Variants in SYTL3 observed in about 807,000 individuals in gnomAD.
SYTL3 encodes the protein synaptotagmin-like protein 3.
A neutral mutation model predicts 82.1 loss-of-function variants in SYTL3; 88 were observed. The observed-to-expected ratio is 1.07, with a 90% CI of 0.90 to 1.28. The LOEUF (loss-of-function observed/expected upper bound fraction) is 1.28, where lower values mean the gene tolerates loss of function less well. Ranked by LOEUF, SYTL3 falls within the 50% of genes most tolerant of loss-of-function variation. The pLI is 0.00. For synonymous variants in SYTL3, 311 were observed against 289.4 expected (o/e 1.07, Z -0.76); for missense variants, 831 against 757.6 (o/e 1.10, Z -1.14).
At chr6:158,731,695 G>T (rs140806666) in intron 11 of SYTL3, among the ~76,000 whole-genome samples, 1 of 152,158 alleles carries the variant, frequency 6.6e-6, no homozygotes, top group Non-Finnish European at 1.5e-5. Context: ...CCGGGTTCAC[G>T]CCATTCTCCT....
intron 6 of SYTL3, among the ~76,000 whole-genome samples, chr6:158,688,756 G>C (rs1007335481): frequency 9.2e-5 from 14 of 152,078 alleles, no homozygotes; most frequent in African/African-American, 3.1e-4. Flanking sequence ...TATGCTTGTG[G>C]GTGCATATCT....
chr6:158,665,730 C>G, intron 5 of SYTL3, 117 bp downstream of exon 5: 1 of 708,136 alleles, frequency 1.4e-6, no homozygotes, highest in Non-Finnish European at 2.3e-6. Context: ...AAATGTGTAC[C>G]GAGTGCCTGA....
chr6:158,719,546 C>T (rs956950308), intron 10 of SYTL3, among the ~76,000 whole-genome samples: 63 of 152,192 alleles, frequency 4.1e-4, no homozygotes, highest in African/African-American at 1.5e-3. Flanking sequence ...GGTGTCTAGA[C>T]AGTTTGAAAT....
intron 11 of SYTL3, among the ~76,000 whole-genome samples, chr6:158,743,343 A>G (rs1043662093): frequency 6.6e-6 from 1 of 152,190 alleles, no homozygotes; most frequent in Non-Finnish European, 1.5e-5. Flanking sequence ...GCAGCTCTAC[A>G]ATCTCTTGAA....
chr6:158,670,557 G>A (rs1418781685), intron 5 of SYTL3, among the ~76,000 whole-genome samples: 2 of 151,992 alleles, frequency 1.3e-5, no homozygotes, highest in East Asian at 1.9e-4. Context: ...TGAGGCGGGT[G>A]GATCACTTGA....
intron 12 of SYTL3, among the ~76,000 whole-genome samples, chr6:158,746,546 A>G (rs1787694047): frequency 6.7e-6 from 1 of 150,308 alleles, no homozygotes; most frequent in Non-Finnish European, 1.5e-5. Flanking sequence ...GCTCACTGCA[A>G]CCTCCGCCTC....
chr6:158,656,237 C>T (rs946765612), intron 2 of SYTL3, among the ~76,000 whole-genome samples: 4 of 152,132 alleles, frequency 2.6e-5, no homozygotes, highest in East Asian at 1.9e-4. Context: ...CCAGGCCTGG[C>T]GGTGGCGTCT....
In SYTL3 at chr6:158,763,386, T is replaced by C. The variant is rs2128556238; in HGVS notation, c.1600T>C (p.Ser534Pro). ...GCAGGCTTGCCCCCAGTGGAAACAC[T>C]CATTTGTCTTCAGTGGCGTAACCCC... Reference protein sequence around the residue: ...RKQACPQWKHSFVFSGVTPAQ... With the variant: ...RKQACPQWKHPFVFSGVTPAQ... Residue 534 changes from serine (S) to proline (P), a missense_variant, in exon 17 of 18, where the codon TCA becomes CCA. By Grantham distance (74) the Ser-to-Pro change is moderately conservative. Coordinates refer to ENST00000611299, the MANE Select transcript of SYTL3 (RefSeq NM_001242394.2). The C allele has an allele frequency of 6.2e-7, 1 of 1,614,188 alleles. No homozygotes were observed. The highest frequency in any genetic ancestry group is 1.6e-4 in the Middle Eastern group (1 of 6,062).
At chr6:158,744,298 T>C (rs995305656) in intron 11 of SYTL3, among the ~76,000 whole-genome samples, 4 of 106,980 alleles carry the variant, frequency 3.7e-5, no homozygotes, top group Non-Finnish European at 7.4e-5. Flanking sequence ...TTTTTTCTTT[T>C]TCTTTCTTTT....
In SYTL3 at chr6:158,747,039, T is replaced by A. The variant is rs534134030; in HGVS notation, c.1034+1381T>A. On this transcript the variant is annotated intron_variant, in intron 12 of 17. Transcript: ENST00000611299. ...TCTTGCTCTGTTGCCCAGGCTGGAG[T>A]GTATTGGCACGATGTCAGCTCACTG... Among the ~76,000 whole-genome samples, 149 of 152,206 alleles carry A rather than the reference T, an allele frequency of 9.8e-4. 1 individual carries two copies. The highest frequency in any genetic ancestry group is 3.3e-3 in the African/African-American group (139 of 41,526).
chr6:158,704,804 C>T (rs1228594169), intron 6 of SYTL3, among the ~76,000 whole-genome samples: 1 of 152,228 alleles, frequency 6.6e-6, no homozygotes, highest in Non-Finnish European at 1.5e-5. Context: ...GTTGCCACAA[C>T]CAGGGACAGA....
chr6:158,689,516 AAAG>A (rs1191169981), intron 6 of SYTL3, among the ~76,000 whole-genome samples: 1 of 152,212 alleles, frequency 6.6e-6, no homozygotes, highest in Non-Finnish European at 1.5e-5. Context: ...TTTTTAACAC[AAAG>A]AAGTTTTTTG....
upstream of SYTL3, among the ~76,000 whole-genome samples, chr6:158,647,759 A>G (rs1787572349): frequency 6.6e-6 from 1 of 152,256 alleles, no homozygotes; most frequent in South Asian, 2.1e-4. Context: ...GCATTCTGCC[A>G]TATTTTAGAA....
intron 5 of SYTL3, 41 bp from the exon 6 acceptor site, chr6:158,682,884 A>T: frequency 6.6e-7 from 1 of 1,516,124 alleles, no homozygotes; most frequent in Admixed American, 1.7e-5. Flanking sequence ...CACTATTCAT[A>T]TCTTCTCTCT....
Position 158,709,879 on chromosome 6 carries a change from A to G in SYTL3, c.516+1488A>G, listed in dbSNP as rs927407736. Reference sequence around the variant, plus strand: ...TAGCAAGACCCTATCTACAAAAAATAAAAAAATTAGCTGGATGTGGTAGCA... The same window carrying G: ...TAGCAAGACCCTATCTACAAAAAATGAAAAAATTAGCTGGATGTGGTAGCA... On this transcript the variant is annotated intron_variant, in intron 8 of 17. Coordinates refer to ENST00000611299, the MANE Select transcript of SYTL3 (RefSeq NM_001242394.2). Among the ~76,000 whole-genome samples, 9 of 152,194 alleles carry G rather than the reference A, an allele frequency of 5.9e-5. No individual in the cohort carries two copies. In the East Asian group the frequency reaches 9.6e-4, roughly 16 times the overall value.
chr6:158,760,602 G>A (rs1162300866), intron 14 of SYTL3, 38 bp from the exon 15 acceptor site: 4 of 1,575,036 alleles, frequency 2.5e-6, no homozygotes, highest in Non-Finnish European at 3.5e-6. Flanking sequence ...CTTGGGACTT[G>A]GGGAATCCTG....
At chr6:158,707,061 A>G (rs560246337) in intron 6 of SYTL3, among the ~76,000 whole-genome samples, 169 bp from the exon 7 acceptor site, 2 of 152,370 alleles carry the variant, frequency 1.3e-5, no homozygotes, top group Admixed American at 6.5e-5. Context: ...TTGTACAACC[A>G]TCTCTACACT....
At chr6:158,753,654 C>T (rs3102983) in intron 13 of SYTL3, among the ~76,000 whole-genome samples, 73,813 of 149,420 alleles carry the variant, frequency 0.49, 18,958 homozygotes, top group African/African-American at 0.58. Flanking sequence ...GGCGTGAACC[C>T]GGGAGGCAGA....
chr6:158,676,135 C>T (rs1778003726), intron 5 of SYTL3, among the ~76,000 whole-genome samples: 1 of 152,192 alleles, frequency 6.6e-6, no homozygotes, highest in African/African-American at 2.4e-5. Context: ...GGAGGCATCA[C>T]ACTACCTGAC....
Sources: gnomAD v4.1 joint callset for allele counts (sites outside exome capture counted in the v4.1 genomes callset) on GRCh38, gnomAD v4.1.1 for gene constraint, MANE v1.5 for transcripts, NCBI Gene and HGNC (gene_info 2026-07-23, HGNC 2026-07-21) for gene names.